The following TOX2 variants were observed in gnomAD, a reference collection of about 807,000 sequenced individuals.
TOX2 encodes the protein granulosa cell HMG box 1.
Under a neutral mutation model 47.4 loss-of-function variants are expected in TOX2, and 15 were observed. The ratio of observed to expected loss-of-function variants is 0.32; its 90% CI spans 0.21 to 0.49. The LOEUF (loss-of-function observed/expected upper bound fraction) is 0.49. TOX2 is among the 20% of genes least tolerant of loss of function. The pLI is 0.99. For missense variants in TOX2, 622 were observed against 673.1 expected, an observed-to-expected ratio of 0.92 and a Z score of 0.84; for synonymous variants, 290 against 296.6, an observed-to-expected ratio of 0.98 and a Z score of 0.23.
At chr20:43,950,963 G>A (rs2069553199) in intron 1 of TOX2, among the ~76,000 whole-genome samples, 1 of 151,948 alleles carries the variant, frequency 6.6e-6, no homozygotes, top group Non-Finnish European at 1.5e-5. Context: ...AATCAGAAGA[G>A]GTTCAGGCTA....
chr20:43,916,023 C>G lies in TOX2; in HGVS notation c.99+1033C>G, dbSNP rs932167662. 8 of 762,582 alleles carry G rather than the reference C, an allele frequency of 1.0e-5. No individual in the cohort carries two copies. Among genetic ancestry groups the G allele is most frequent in the Middle Eastern group, 6.8e-4 (1 of 1,478 alleles). 47.2% of individuals were successfully genotyped at this position (762,582 alleles called of 1,614,324 possible). A position where few individuals can be genotyped will look rare whatever the true frequency, so the allele number is the denominator to read the frequency against. ...CTAAGCAGTCCGCGTCCCCTTCGGT[C>G]GCCGGAGAGGGAACTTTCAAACTTA... On this transcript the variant is annotated intron_variant, in intron 1 of 8. Coordinates refer to ENST00000341197, the MANE Select transcript of TOX2 (RefSeq NM_001098797.2). The surrounding 1 kb of genome is among the most constrained non-coding windows in gnomAD (Gnocchi z 5.0).
At chr20:43,923,237 G>C (rs2069130202) in intron 1 of TOX2, among the ~76,000 whole-genome samples, 1 of 152,204 alleles carries the variant, frequency 6.6e-6, no homozygotes, top group Non-Finnish European at 1.5e-5. Flanking sequence ...AGAGGACTGT[G>C]CCTGGAACCA....
At chr20:44,029,319 C>G (rs1353754366) in intron 3 of TOX2, among the ~76,000 whole-genome samples, 2 of 152,338 alleles carry the variant, frequency 1.3e-5, no homozygotes, top group South Asian at 2.1e-4. Flanking sequence ...GCACCATACC[C>G]TTTCAGGCAC....
chr20:44,065,920 C>T lies in TOX2; in HGVS notation c.1169C>T (p.Pro390Leu), dbSNP rs779915459. The T allele has an allele frequency of 1.1e-5, 18 of 1,610,790 alleles. No homozygotes were observed. Among genetic ancestry groups the T allele is most frequent in the East Asian group, 2.2e-5 (1 of 44,840 alleles). The stretch of plus-strand genomic sequence containing the variant: ...CTGCTGCCAGGCCTCAGTGCGTCCC[C>T]GCCGCCGCCACCCTCCTTCCCGCTC... ...KSLLPGLSAS[P>L]PPPPSFPLSP... Residue 390 changes from proline (P) to leucine (L), a missense_variant, in exon 7 of 9, where the codon CCG becomes CTG. Transcript: ENST00000341197.
At chr20:43,991,711 T>A (rs2070372395) in intron 2 of TOX2, among the ~76,000 whole-genome samples, 1 of 151,660 alleles carries the variant, frequency 6.6e-6, no homozygotes. Flanking sequence ...TGGTACAATC[T>A]CAGCTCACTG....
chr20:44,065,578 GT>G, intron 6 of TOX2, 133 bp from the exon 7 acceptor site: 2 of 1,037,600 alleles, frequency 1.9e-6, no homozygotes, highest in Admixed American at 4.7e-5. Flanking sequence ...GCTATCTCTG[GT>G]TAGTCCAAGC....
chr20:43,940,561 G>T (rs73118243), intron 1 of TOX2, among the ~76,000 whole-genome samples: 62 of 151,728 alleles, frequency 4.1e-4, no homozygotes, highest in Non-Finnish European at 7.5e-4. Context: ...CTACTAATTG[G>T]CCTGGAAAAT....
At chr20:43,984,403 T>C (rs1277560727) in intron 2 of TOX2, among the ~76,000 whole-genome samples, 1 of 152,172 alleles carries the variant, frequency 6.6e-6, no homozygotes, top group African/African-American at 2.4e-5. Flanking sequence ...AGTATATATG[T>C]CAGATTGAAC....
intron 1 of TOX2, among the ~76,000 whole-genome samples, chr20:43,949,750 C>G (rs1427433671): frequency 6.6e-6 from 1 of 152,208 alleles, no homozygotes; most frequent in Non-Finnish European, 1.5e-5. Context: ...ATTGCCCCCA[C>G]CGTCTAGCCG....
intron 3 of TOX2, among the ~76,000 whole-genome samples, chr20:44,036,895 T>C (rs1482697586): frequency 1.3e-5 from 2 of 152,270 alleles, no homozygotes; most frequent in Non-Finnish European, 2.9e-5. Flanking sequence ...TTAGTGTCCT[T>C]GGAGGCTCCC....
Position 43,916,098 on chromosome 20 carries a change from G to T in TOX2, c.99+1108G>T. ...GTCCGCCAGTCGGTGCGTCGGTCCC[G>T]GGCCGGCTGGAGCCAAGCGCGGGTT... On this transcript the variant is annotated intron_variant, in intron 1 of 8. Transcript: ENST00000341197. The surrounding 1 kb of genome is among the most constrained non-coding windows in gnomAD (Gnocchi z 5.0). The T allele has an allele frequency of 1.0e-6, 1 of 984,962 alleles. No homozygotes were observed. Among genetic ancestry groups the T allele is most frequent in the Non-Finnish European group, 1.2e-6 (1 of 829,474 alleles). The allele number at this position is 984,962 out of a possible 1,614,324, so 61.0% of individuals were successfully genotyped here.
chr20:43,926,587 C>T (rs6103513), intron 1 of TOX2, among the ~76,000 whole-genome samples: 18,307 of 152,172 alleles, frequency 0.12, 2,137 homozygotes, highest in African/African-American at 0.29. Context: ...AGCATAGACC[C>T]TATACTAGGT....
intron 1 of TOX2, among the ~76,000 whole-genome samples, chr20:43,927,694 C>CTT (rs1555829442): frequency 1.1e-5 from 1 of 94,166 alleles, no homozygotes; most frequent in African/African-American, 6.4e-5. Context: ...CCTTCCCTTC[C>CTT]CCTTCCTTCC....
intron 2 of TOX2, among the ~76,000 whole-genome samples, chr20:44,006,282 CA>C (rs746556952): frequency 6.6e-6 from 1 of 152,120 alleles, no homozygotes; most frequent in Non-Finnish European, 1.5e-5. Flanking sequence ...CAGAGAGGAA[CA>C]GGGGGAGCCG....
intron 1 of TOX2, among the ~76,000 whole-genome samples, chr20:43,931,377 C>G (rs2069250697): frequency 6.6e-6 from 1 of 152,234 alleles, no homozygotes; most frequent in African/African-American, 2.4e-5. Context: ...TCAAGCGATC[C>G]TCCCACCTCG....
In TOX2 at chr20:43,993,843, G is replaced by A. The variant is rs139923960; in HGVS notation, c.166-12704G>A. Among the ~76,000 whole-genome samples the A allele has an allele frequency of 2.9e-3, 445 of 152,310 alleles. 6 individuals carry two copies. Among genetic ancestry groups the A allele is most frequent in the African/African-American group, 9.9e-3 (412 of 41,566 alleles). On this transcript the variant is annotated intron_variant, in intron 2 of 8. Coordinates refer to ENST00000341197, the MANE Select transcript of TOX2 (RefSeq NM_001098797.2). ...AAGTAAAGTATCAAAGAGGCAGTTG[G>A]ATATGTAGCTATAAAAATGTAATTT...
chr20:44,023,450 A>AAAAAAAAT (rs2071009785), intron 3 of TOX2, among the ~76,000 whole-genome samples: 2 of 151,262 alleles, frequency 1.3e-5, no homozygotes, highest in African/African-American at 4.9e-5. Flanking sequence ...AAAAAAAAAA[A>AAAAAAAAT]GGAGGGAAAG....
At chr20:43,946,769 C>G (rs1051646505) in intron 1 of TOX2, among the ~76,000 whole-genome samples, 1 of 152,104 alleles carries the variant, frequency 6.6e-6, no homozygotes, top group Admixed American at 6.6e-5. Context: ...CGTGAAGGGG[C>G]CATCCCAGCT....
chr20:43,940,331 T>C (rs957325828), intron 1 of TOX2, among the ~76,000 whole-genome samples: 1 of 151,858 alleles, frequency 6.6e-6, no homozygotes, highest in Admixed American at 6.6e-5. Flanking sequence ...TCCTCCTGCA[T>C]AAGGCTCCTG....
Sources: gnomAD v4.1 joint callset for allele counts (sites outside exome capture counted in the v4.1 genomes callset) on GRCh38, gnomAD v4.1.1 for gene constraint, Gnocchi (gnomAD v3.1) non-coding constraint, MANE v1.5 for transcripts, NCBI Gene and HGNC (gene_info 2026-07-23, HGNC 2026-07-21) for gene names.